TMEM217B: variants seen among roughly 807,000 people sequenced by gnomAD.
The protein encoded by TMEM217B is putative transmembrane protein 217B.
the TMEM217B span, among the ~76,000 whole-genome samples, chr6:37,255,126 G>A: frequency 5.9e-5 from 9 of 152,268 alleles, no homozygotes; most frequent in African/African-American, 1.9e-4. Context: ...TTACTCTAGG[G>A]GATGGAGATG....
At chr6:37,245,298 C>T in the TMEM217B span, among the ~76,000 whole-genome samples, 2 of 152,246 alleles carry the variant, frequency 1.3e-5, no homozygotes, top group African/African-American at 4.8e-5. Context: ...GAGCATTTGA[C>T]TCCATAGGTA....
the TMEM217B span, chr6:37,219,024 GT>G: frequency 5.0e-6 from 8 of 1,612,472 alleles, no homozygotes; most frequent in Middle Eastern, 1.3e-3. Context: ...CACTGCTGCT[GT>G]TTCATGCTGA....
chr6:37,224,423 CCT>C, the TMEM217B span, among the ~76,000 whole-genome samples: 3 of 150,604 alleles, frequency 2.0e-5, no homozygotes, highest in Non-Finnish European at 4.4e-5. Flanking sequence ...ATGATGAAAC[CCT>C]GTCTCTACTA....
chr6:37,241,537 A>C, the TMEM217B span, among the ~76,000 whole-genome samples: 1 of 152,130 alleles, frequency 6.6e-6, no homozygotes, highest in African/African-American at 2.4e-5. Flanking sequence ...GCAGGATCCA[A>C]GGTCCCCATT....
the TMEM217B span, among the ~76,000 whole-genome samples, chr6:37,244,755 T>A: frequency 6.6e-6 from 1 of 152,170 alleles, no homozygotes; most frequent in African/African-American, 2.4e-5. Context: ...GTTTGTGAGG[T>A]TCAGTTTATC....
chr6:37,251,620 T>C, the TMEM217B span, among the ~76,000 whole-genome samples: 1 of 152,222 alleles, frequency 6.6e-6, no homozygotes. Flanking sequence ...AAACATGTTG[T>C]TTATGGATAC....
At chr6:37,223,787 C>T in the TMEM217B span, among the ~76,000 whole-genome samples, 2 of 152,040 alleles carry the variant, frequency 1.3e-5, no homozygotes, top group East Asian at 1.9e-4. Flanking sequence ...GGATTACAGG[C>T]GTGAGCCACT....
the TMEM217B span, among the ~76,000 whole-genome samples, chr6:37,224,132 T>C: frequency 6.7e-6 from 1 of 148,596 alleles, no homozygotes; most frequent in Non-Finnish European, 1.5e-5. Context: ...AGAGACAGAG[T>C]TTTACCATGT....
At chr6:37,249,170 A>C in the TMEM217B span, among the ~76,000 whole-genome samples, 1 of 152,194 alleles carries the variant, frequency 6.6e-6, no homozygotes, top group African/African-American at 2.4e-5. Context: ...CATAACATCC[A>C]CAGGTTCCAG....
At chr6:37,243,855 C>A in the TMEM217B span, among the ~76,000 whole-genome samples, 1 of 152,132 alleles carries the variant, frequency 6.6e-6, no homozygotes, top group African/African-American at 2.4e-5. Flanking sequence ...GTGGAAAACT[C>A]CTTGTGTGCT....
chr6:37,237,503 A>T, the TMEM217B span, among the ~76,000 whole-genome samples: 2 of 152,226 alleles, frequency 1.3e-5, no homozygotes, highest in African/African-American at 4.8e-5. Flanking sequence ...AAGATTCAGG[A>T]CTTCATGCAG....
At chr6:37,228,018 A>G in the TMEM217B span, among the ~76,000 whole-genome samples, 2 of 152,208 alleles carry the variant, frequency 1.3e-5, no homozygotes, top group African/African-American at 4.8e-5. Context: ...CAAGTGAGAT[A>G]AAGAGACTTC....
the TMEM217B span, among the ~76,000 whole-genome samples, chr6:37,213,483 C>T: frequency 6.6e-6 from 1 of 152,394 alleles, no homozygotes; most frequent in Admixed American, 6.5e-5. Context: ...CCCTGATTTG[C>T]TCCCTGGGCA....
the TMEM217B span, among the ~76,000 whole-genome samples, chr6:37,243,011 G>A: frequency 6.6e-6 from 1 of 152,162 alleles, no homozygotes; most frequent in Admixed American, 6.5e-5. Flanking sequence ...GGCTGGGAAA[G>A]CAAGTTTCTG....
chr6:37,218,169 C>CTTTTTT, the TMEM217B span: 1 of 1,014,158 alleles, frequency 9.9e-7, no homozygotes, highest in Non-Finnish European at 1.2e-6. Context: ...AAGCTGCTAA[C>CTTTTTT]TTTTTTTTTT....
At chr6:37,214,250 CAG>C in the TMEM217B span, among the ~76,000 whole-genome samples, 1 of 152,144 alleles carries the variant, frequency 6.6e-6, no homozygotes, top group Admixed American at 6.5e-5. Flanking sequence ...TCTCTTTCGA[CAG>C]AGTCTTGCTC....
the TMEM217B span, among the ~76,000 whole-genome samples, chr6:37,252,728 C>A: frequency 2.0e-5 from 3 of 150,610 alleles, no homozygotes; most frequent in Non-Finnish European, 3.0e-5. Flanking sequence ...CAACCCCCGC[C>A]TCCTGGGCTC....
At chr6:37,248,263 G>A in the TMEM217B span, among the ~76,000 whole-genome samples, 19 of 152,238 alleles carry the variant, frequency 1.2e-4, no homozygotes, top group Admixed American at 1.2e-3. Flanking sequence ...GGGGCTGTAT[G>A]TTTACAGTGC....
At chr6:37,214,696 T>A in the TMEM217B span, among the ~76,000 whole-genome samples, 1 of 152,250 alleles carries the variant, frequency 6.6e-6, no homozygotes, top group Non-Finnish European at 1.5e-5. Flanking sequence ...TGTCCTTCGG[T>A]ATCTGGCTTA....
Sources: allele counts gnomAD v4.1 joint callset (sites outside exome capture counted in the v4.1 genomes callset), GRCh38; gene constraint gnomAD v4.1.1; transcripts MANE v1.5; gene names NCBI Gene and HGNC (gene_info 2026-07-23, HGNC 2026-07-21).